DENND5A: variants seen among roughly 807,000 people sequenced by gnomAD.
DENND5A encodes the protein DENN domain containing 5A.
A neutral mutation model predicts 140.3 loss-of-function variants in DENND5A; 64 were observed. The observed-to-expected ratio is 0.46, with a 90% CI of 0.37 to 0.56. The LOEUF is 0.56. Ranked by LOEUF, DENND5A falls within the 20% of genes least tolerant of loss-of-function variation. DENND5A has a pLI of 0.00. For missense variants in DENND5A, 1,292 were observed against 1,593.8 expected (o/e 0.81, Z 3.22); for synonymous variants, 605 against 607.7 (o/e 1.00, Z 0.07).
At chr11:9,146,944 C>A (rs1847450405) in intron 16 of DENND5A, 86 bp downstream of exon 16, 2 of 1,476,966 alleles carry the variant, frequency 1.4e-6, no homozygotes, top group Non-Finnish European at 1.9e-6. Flanking sequence ...AATCTTCTTT[C>A]TTTAAAAAGG....
chr11:9,198,566 G>A (rs1849411904), intron 4 of DENND5A, among the ~76,000 whole-genome samples: 1 of 150,702 alleles, frequency 6.6e-6, no homozygotes, highest in Non-Finnish European at 1.5e-5. Flanking sequence ...AGCCGAGATT[G>A]CGCCACTGCA....
At chr11:9,154,844 A>C (rs1277444452) in intron 12 of DENND5A, among the ~76,000 whole-genome samples, 1 of 151,928 alleles carries the variant, frequency 6.6e-6, no homozygotes, top group African/African-American at 2.4e-5. Flanking sequence ...TTAATTTAAA[A>C]AACTTAAAAA....
At chr11:9,198,202 T>C (rs369387727) in intron 4 of DENND5A, among the ~76,000 whole-genome samples, 7 of 152,068 alleles carry the variant, frequency 4.6e-5, no homozygotes, top group African/African-American at 1.7e-4. Context: ...TGTAATTGAA[T>C]TAGGCATATC....
intron 22 of DENND5A, chr11:9,140,120 C>T: frequency 7.0e-7 from 1 of 1,429,292 alleles, no homozygotes; most frequent in South Asian, 1.2e-5. Context: ...GTCAGCCCCA[C>T]CACTGGTGTC....
intron 1 of DENND5A, among the ~76,000 whole-genome samples, chr11:9,208,263 A>T (rs972733057): frequency 3.3e-5 from 5 of 152,270 alleles, no homozygotes; most frequent in Admixed American, 6.5e-5. Context: ...GAAGGCTATT[A>T]TCTGGGAGGC....
At chr11:9,197,866 T>C (rs188762163) in intron 4 of DENND5A, among the ~76,000 whole-genome samples, 1 of 152,376 alleles carries the variant, frequency 6.6e-6, no homozygotes, top group Non-Finnish European at 1.5e-5. Flanking sequence ...GGAATTGTTT[T>C]AATTATATGC....
Position 9,183,439 on chromosome 11 carries a change from C to G in DENND5A, c.1138-2355G>C, listed in dbSNP as rs1422878320. Among the ~76,000 whole-genome samples the G allele has an allele frequency of 3.5e-5, 5 of 144,372 alleles. No individual in the cohort carries two copies. In the East Asian group the frequency reaches 1.0e-3, roughly 29 times the overall value. 94.7% of individuals were successfully genotyped at this position (144,372 alleles called of 152,430 possible). On this transcript the variant is annotated intron_variant, in intron 5 of 22. Transcript: ENST00000328194. The stretch of plus-strand genomic sequence containing the variant: ...TTTTAAATTTCATACAGGTTTTTAA[C>G]TTTTTTTTTTTTTTTGAGACAGAGT...
At chr11:9,225,230 T>G (rs1457539611) in intron 1 of DENND5A, among the ~76,000 whole-genome samples, 1 of 152,188 alleles carries the variant, frequency 6.6e-6, no homozygotes, top group Non-Finnish European at 1.5e-5. Flanking sequence ...TTTTAAAAAG[T>G]GTTGATATTA....
In DENND5A at chr11:9,193,633, A is replaced by T; in HGVS notation, c.998T>A (p.Phe333Tyr). Residue 333 changes from phenylalanine to tyrosine, a missense_variant, in exon 5 of 23, where the codon TTT becomes TAT. By Grantham distance (22) the Phe-to-Tyr change is conservative. Transcript: ENST00000328194. Reference protein sequence around the residue: ...TVAETITALMFPFQWQHVYVP... With the variant: ...TVAETITALMYPFQWQHVYVP... ...ATAGACATGCTGCCACTGGAAAGGAAACATGAGAGCTGTAATCGTCTCCGC... is the reference window on the plus strand; with the variant it reads ...ATAGACATGCTGCCACTGGAAAGGATACATGAGAGCTGTAATCGTCTCCGC... 6.2e-7 allele frequency: 1 copy of T among 1,614,094 alleles called. No individual in the cohort carries two copies. Among genetic ancestry groups the T allele is most frequent in the Non-Finnish European group, 8.5e-7 (1 of 1,179,998 alleles).
chr11:9,264,451 G>A (rs1451557501), intron 1 of DENND5A, among the ~76,000 whole-genome samples: 2 of 152,072 alleles, frequency 1.3e-5, no homozygotes, highest in African/African-American at 2.4e-5. Context: ...ATCCCATCCA[G>A]ACGCGCAGAG....
Position 9,166,859 on chromosome 11 carries a change from A to T in DENND5A, c.2152-892T>A, listed in dbSNP as rs538717834. On this transcript the variant is annotated intron_variant, in intron 10 of 22. Coordinates refer to ENST00000328194, the MANE Select transcript of DENND5A (RefSeq NM_015213.4). ...AAAATAAATAAATAAATAAAAATTT[A>T]AAAAATTAAATTAAAAAAAGATACA... Among the ~76,000 whole-genome samples the T allele has an allele frequency of 1.2e-3, 180 of 152,102 alleles. 1 individual carries two copies. The highest frequency in any genetic ancestry group is 4.1e-3 in the African/African-American group (169 of 41,528).
At chr11:9,217,280 T>G (rs1221654600) in intron 1 of DENND5A, among the ~76,000 whole-genome samples, 1 of 152,046 alleles carries the variant, frequency 6.6e-6, no homozygotes, top group African/African-American at 2.4e-5. Context: ...TTTGAGAGGC[T>G]GAGGCGGGTG....
chr11:9,141,427 C>T (rs577966167), intron 22 of DENND5A, among the ~76,000 whole-genome samples: 3 of 152,266 alleles, frequency 2.0e-5, no homozygotes, highest in East Asian at 3.9e-4. Context: ...CGTCACCATG[C>T]GAACTTTATA....
At chr11:9,187,628 A>G (rs906766778) in intron 5 of DENND5A, among the ~76,000 whole-genome samples, 1 of 152,178 alleles carries the variant, frequency 6.6e-6, no homozygotes, top group Non-Finnish European at 1.5e-5. Flanking sequence ...AAAATGGGGG[A>G]AAAGTAGGAA....
At position 9,147,029 on chromosome 11, in the gene DENND5A, C is replaced by G. The variant is rs764301963; in HGVS notation, c.2857+1G>C. On this transcript the variant is annotated splice_donor_variant, in intron 16 of 22. Coordinates refer to ENST00000328194, the MANE Select transcript of DENND5A (RefSeq NM_015213.4). LOFTEE classifies it high-confidence loss of function. ...CCAGCTGGGAGCACAGGGCTACTCACGGATAGTTGTGAAGACATTGGTGAA... is the reference window on the plus strand; with the variant it reads ...CCAGCTGGGAGCACAGGGCTACTCAGGGATAGTTGTGAAGACATTGGTGAA... 1 of 1,614,088 alleles carries G rather than the reference C, an allele frequency of 6.2e-7. No individual in the cohort carries two copies. The highest frequency in any genetic ancestry group is 2.2e-5 in the East Asian group (1 of 44,880).
chr11:9,161,171 C>A (rs1847970766), intron 11 of DENND5A, among the ~76,000 whole-genome samples: 1 of 152,138 alleles, frequency 6.6e-6, no homozygotes, highest in Admixed American at 6.5e-5. Context: ...CACGGTGAAA[C>A]CCCGTCTCTA....
At chr11:9,226,947 T>C in intron 1 of DENND5A, among the ~76,000 whole-genome samples, 1 of 152,066 alleles carries the variant, frequency 6.6e-6, no homozygotes, top group East Asian at 1.9e-4. Flanking sequence ...GGCGGGCAGA[T>C]CACCTGAGGT....
chr11:9,213,888 C>T (rs1406365927), intron 1 of DENND5A, among the ~76,000 whole-genome samples: 1 of 151,548 alleles, frequency 6.6e-6, no homozygotes, highest in Non-Finnish European at 1.5e-5. Context: ...ACATAGACTG[C>T]CTCAACTTAC....
intron 4 of DENND5A, among the ~76,000 whole-genome samples, chr11:9,195,531 T>A (rs1298794984): frequency 6.6e-6 from 1 of 152,204 alleles, no homozygotes; most frequent in Non-Finnish European, 1.5e-5. Flanking sequence ...GGAATTAAAA[T>A]GATGTTATGC....
Sources: allele counts gnomAD v4.1 joint callset (sites outside exome capture counted in the v4.1 genomes callset), GRCh38; gene constraint gnomAD v4.1.1; transcripts MANE v1.5; gene names NCBI Gene and HGNC (gene_info 2026-07-23, HGNC 2026-07-21).